The following ZNF804B variants were observed in gnomAD, a reference collection of about 807,000 sequenced individuals.
ZNF804B encodes zinc finger 804B.
In ZNF804B, 80 loss-of-function variants were observed where a neutral mutation model predicts 101.4. The observed-to-expected ratio is 0.79, with a 90% CI of 0.66 to 0.95. The LOEUF (loss-of-function observed/expected upper bound fraction) is 0.95. Among genes scored for constraint, ZNF804B ranks in the 40% least tolerant of loss-of-function variants. The pLI is 0.00. For missense variants in ZNF804B, 1,673 were observed against 1,561.9 expected, an observed-to-expected ratio of 1.07 and a Z score of -1.20; for synonymous variants, 622 against 558.8, an observed-to-expected ratio of 1.11 and a Z score of -1.59.
chr7:88,970,543 T>G (rs1169311392), intron 1 of ZNF804B, among the ~76,000 whole-genome samples: 1 of 151,562 alleles, frequency 6.6e-6, no homozygotes, highest in African/African-American at 2.4e-5. Context: ...CAGATTTTAC[T>G]GATATAAATT....
At chr7:89,190,979 A>T (rs1788447970) in intron 1 of ZNF804B, among the ~76,000 whole-genome samples, 2 of 152,164 alleles carry the variant, frequency 1.3e-5, no homozygotes, top group Non-Finnish European at 2.9e-5. Context: ...AAACCAACAA[A>T]TACATGTGAC....
At chr7:88,978,546 A>T (rs1350656942) in intron 1 of ZNF804B, among the ~76,000 whole-genome samples, 10 of 151,218 alleles carry the variant, frequency 6.6e-5, no homozygotes, top group Admixed American at 1.3e-4. Flanking sequence ...TTTGGTTTCC[A>T]TTGCCATGTA....
intron 1 of ZNF804B, among the ~76,000 whole-genome samples, chr7:88,966,074 T>C (rs1199589129): frequency 6.6e-6 from 1 of 151,482 alleles, no homozygotes; most frequent in African/African-American, 2.4e-5. Context: ...AGAGAAAAGA[T>C]AGAAGCTTTC....
intron 2 of ZNF804B, among the ~76,000 whole-genome samples, chr7:89,220,533 C>A (rs1788988061): frequency 6.6e-6 from 1 of 151,832 alleles, no homozygotes; most frequent in Non-Finnish European, 1.5e-5. Flanking sequence ...TTGATTTATA[C>A]CATCATCGCT....
intron 1 of ZNF804B, among the ~76,000 whole-genome samples, chr7:89,024,392 C>G (rs1396913708): frequency 6.6e-6 from 1 of 152,046 alleles, no homozygotes; most frequent in Non-Finnish European, 1.5e-5. Context: ...TGTTTCCCTT[C>G]CTTTTATATG....
chr7:89,152,568 G>A (rs1228983888), intron 1 of ZNF804B, among the ~76,000 whole-genome samples: 1 of 151,912 alleles, frequency 6.6e-6, no homozygotes, highest in East Asian at 1.9e-4. Flanking sequence ...ACATTATTAT[G>A]ATCTTTATGT....
intron 1 of ZNF804B, among the ~76,000 whole-genome samples, chr7:89,042,245 T>C (rs984641540): frequency 6.6e-6 from 1 of 152,170 alleles, no homozygotes; most frequent in African/African-American, 2.4e-5. Flanking sequence ...AATAATAATA[T>C]GAGGGATAAT....
At chr7:88,912,149 G>C (rs1792558532) in intron 1 of ZNF804B, among the ~76,000 whole-genome samples, 2 of 151,980 alleles carry the variant, frequency 1.3e-5, no homozygotes, top group Non-Finnish European at 2.9e-5. Context: ...AGAAATATAT[G>C]AGAGTTCCTT....
intron 1 of ZNF804B, among the ~76,000 whole-genome samples, chr7:88,979,975 G>A (rs552615801): frequency 1.9e-4 from 28 of 144,752 alleles, no homozygotes; most frequent in East Asian, 1.6e-3. Context: ...TAATTTTTTC[G>A]TCTGCTTGAT....
intron 1 of ZNF804B, among the ~76,000 whole-genome samples, chr7:89,108,337 T>C (rs763678082): frequency 3.9e-5 from 6 of 152,060 alleles, no homozygotes; most frequent in Admixed American, 6.6e-5. Context: ...CTTCTGGGTA[T>C]TCTCTGCTAC....
chr7:89,086,056 A>G (rs1037379619), intron 1 of ZNF804B, among the ~76,000 whole-genome samples: 1 of 151,922 alleles, frequency 6.6e-6, no homozygotes, highest in Non-Finnish European at 1.5e-5. Context: ...GACTTAATCT[A>G]TTGACTAAAT....
intron 1 of ZNF804B, among the ~76,000 whole-genome samples, chr7:88,772,074 A>G (rs1265135193): frequency 6.6e-6 from 1 of 152,202 alleles, no homozygotes; most frequent in Admixed American, 6.5e-5. Context: ...TAAAGCCCAA[A>G]CAATGCTGAT....
intron 2 of ZNF804B, among the ~76,000 whole-genome samples, chr7:89,260,350 T>C (rs1324624153): frequency 1.3e-5 from 2 of 152,098 alleles, no homozygotes; most frequent in African/African-American, 2.4e-5. Context: ...TGTGGCACTT[T>C]TTTTTTTGAA....
chr7:89,137,047 AACT>A (rs1293305239), intron 1 of ZNF804B, among the ~76,000 whole-genome samples: 1 of 151,968 alleles, frequency 6.6e-6, no homozygotes, highest in Non-Finnish European at 1.5e-5. Context: ...AGGCACATGG[AACT>A]ATAAGTCCAA....
At chr7:88,783,118 T>G (rs1171301168) in intron 1 of ZNF804B, among the ~76,000 whole-genome samples, 1 of 152,144 alleles carries the variant, frequency 6.6e-6, no homozygotes, top group Non-Finnish European at 1.5e-5. Flanking sequence ...TGGTTAAAAA[T>G]AATTCAAAAC....
intron 1 of ZNF804B, among the ~76,000 whole-genome samples, chr7:88,894,861 T>G (rs1792264333): frequency 6.6e-6 from 1 of 152,088 alleles, no homozygotes; most frequent in South Asian, 2.1e-4. Context: ...GTTAAATATA[T>G]GAAACACTGG....
At chr7:89,171,274 A>G (rs1309157001) in intron 1 of ZNF804B, among the ~76,000 whole-genome samples, 1 of 124,256 alleles carries the variant, frequency 8.0e-6, no homozygotes, top group Non-Finnish European at 1.8e-5. Flanking sequence ...GTAGGCACAA[A>G]TAATGCTGCT....
intron 1 of ZNF804B, among the ~76,000 whole-genome samples, chr7:88,928,724 A>T (rs147547667): frequency 6.6e-6 from 1 of 152,196 alleles, no homozygotes; most frequent in East Asian, 1.9e-4. Context: ...TTAAATCATA[A>T]ATCACTCTGA....
intron 1 of ZNF804B, among the ~76,000 whole-genome samples, chr7:88,840,648 T>G (rs1791281475): frequency 6.6e-6 from 1 of 152,172 alleles, no homozygotes; most frequent in Admixed American, 6.6e-5. Flanking sequence ...AGATTAACTT[T>G]TCCGGGATAG....
Sources: gnomAD v4.1 joint callset for allele counts (sites outside exome capture counted in the v4.1 genomes callset) on GRCh38, gnomAD v4.1.1 for gene constraint, MANE v1.5 for transcripts, NCBI Gene and HGNC (gene_info 2026-07-23, HGNC 2026-07-21) for gene names.